The following PDE1A variants were observed in gnomAD, a reference collection of about 807,000 sequenced individuals.
PDE1A encodes the protein phosphodiesterase 1A, also known as dual specificity calcium/calmodulin-dependent 3',5'-cyclic nucleotide phosphodiesterase 1A.
PDE1A carries 35 observed loss-of-function variants against 61.7 expected under a neutral mutation model. That is an observed-to-expected ratio of 0.57 (90% CI 0.43 to 0.75). The LOEUF is 0.75. Among genes scored for constraint, PDE1A ranks in the 30% least tolerant of loss-of-function variants. The pLI, the probability that PDE1A is intolerant of heterozygous loss-of-function variation, is 0.00. For synonymous variants in PDE1A, 232 were observed against 213.2 expected, an observed-to-expected ratio of 1.09 and a Z score of -0.77; for missense variants, 597 against 630.6, an observed-to-expected ratio of 0.95 and a Z score of 0.57.
chr2:182,313,548 A>C (rs1696133516), intron 1 of PDE1A, among the ~76,000 whole-genome samples: 2 of 152,218 alleles, frequency 1.3e-5, no homozygotes, highest in Non-Finnish European at 2.9e-5. Flanking sequence ...TTTCCAGACC[A>C]CATTGAATAG....
Position 182,314,731 on chromosome 2 carries a change from T to C in PDE1A, c.54-50317A>G, listed in dbSNP as rs833121. ...ATTTTCAAGGAGCATATGGAAACTT[T>C]TTGGGGTAATGTCTATTTTTGTGAT... is the stretch of plus-strand genomic sequence containing the variant. On this transcript the variant is annotated intron_variant, in intron 1 of 13. Transcript: ENST00000351439. Among the ~76,000 whole-genome samples, 509 of 152,252 alleles carry C rather than the reference T, an allele frequency of 3.3e-3. 2 individuals are homozygous for C. The highest frequency in any genetic ancestry group is 0.012 in the African/African-American group (494 of 41,536).
the PDE1A span, among the ~76,000 whole-genome samples, chr2:182,696,474 T>C: frequency 1.1e-4 from 16 of 152,040 alleles, no homozygotes; most frequent in Non-Finnish European, 1.9e-4. Context: ...GAGAGATTAG[T>C]AGGGAGGAAT....
Position 182,513,320 on chromosome 2 carries a change from C to T in PDE1A, c.101+8956G>A, listed in dbSNP as rs536465996. On this transcript the variant is annotated intron_variant, in intron 2 of 14. Coordinates refer to the PDE1A transcript ENST00000410103. ...CAGCATCCTTACAGGAAAAACATTC[C>T]AACCAAGAATTTCATATCCAGCCAA... Among the ~76,000 whole-genome samples the T allele has an allele frequency of 6.6e-5, 10 of 152,244 alleles. No individual in the cohort carries two copies. The South Asian group carries it at 1.7e-3, about 25-fold the overall frequency.
At chr2:182,212,492 C>A (rs1297743909) in intron 7 of PDE1A, among the ~76,000 whole-genome samples, 1 of 152,172 alleles carries the variant, frequency 6.6e-6, no homozygotes, top group South Asian at 2.1e-4. Flanking sequence ...TTCTGCATTT[C>A]CATCTGAGGT....
At chr2:182,483,689 T>A (rs1016555847) in intron 2 of PDE1A, among the ~76,000 whole-genome samples, 8 of 151,602 alleles carry the variant, frequency 5.3e-5, no homozygotes, top group South Asian at 2.1e-4. Context: ...ACTAAAAAAA[T>A]TTTTCAAATA....
chr2:182,453,488 C>G (rs968947438), intron 2 of PDE1A, among the ~76,000 whole-genome samples: 1 of 151,974 alleles, frequency 6.6e-6, no homozygotes, highest in African/African-American at 2.4e-5. Flanking sequence ...TTTGCAATAT[C>G]CTTGATGAAC....
At chr2:182,665,839 G>A in the PDE1A span, among the ~76,000 whole-genome samples, 2 of 152,090 alleles carry the variant, frequency 1.3e-5, no homozygotes, top group Non-Finnish European at 2.9e-5. Context: ...ATGATAGACT[G>A]GATAAAGAAA....
intron 6 of PDE1A, among the ~76,000 whole-genome samples, chr2:182,224,869 CA>C (rs536085950): frequency 9.2e-5 from 14 of 151,890 alleles, no homozygotes; most frequent in Non-Finnish European, 1.5e-4. Flanking sequence ...ACATTTCCAT[CA>C]CCACAGCAAG....
At chr2:182,288,270 G>A (rs577946674) in intron 1 of PDE1A, among the ~76,000 whole-genome samples, 2 of 152,214 alleles carry the variant, frequency 1.3e-5, no homozygotes, top group Admixed American at 6.5e-5. Flanking sequence ...TTAGGCAAGT[G>A]AGGCCTAAAG....
intron 1 of PDE1A, among the ~76,000 whole-genome samples, chr2:182,394,201 G>A (rs1041430131): frequency 6.6e-5 from 10 of 152,158 alleles, no homozygotes; most frequent in African/African-American, 2.4e-4. Context: ...AGAAAAAGAG[G>A]TTTAATGGAC....
At chr2:182,260,400 A>G (rs1692140330) in intron 2 of PDE1A, among the ~76,000 whole-genome samples, 2 of 152,278 alleles carry the variant, frequency 1.3e-5, no homozygotes, top group African/African-American at 4.8e-5. Flanking sequence ...GTTTTAAGGG[A>G]AATGGTACTT....
At chr2:182,140,729 A>C (rs373546108) in exon 15 of PDE1A, 13 of 152,202 alleles carry the variant, frequency 8.5e-5, no homozygotes, top group African/African-American at 2.7e-4. Context: ...TGGCCTCAAC[A>C]GTAATGTTTG....
At chr2:182,549,711 A>AT in the PDE1A span, among the ~76,000 whole-genome samples, 1 of 152,044 alleles carries the variant, frequency 6.6e-6, no homozygotes, top group Non-Finnish European at 1.5e-5. Flanking sequence ...CTAAGTACAT[A>AT]TTTTTTTCAT....
chr2:182,352,369 C>CA (rs1698931886), intron 1 of PDE1A, among the ~76,000 whole-genome samples: 1 of 152,194 alleles, frequency 6.6e-6, no homozygotes, highest in Non-Finnish European at 1.5e-5. Flanking sequence ...GTGCTGTGCA[C>CA]AAGTAGAGTT....
intron 13 of PDE1A, among the ~76,000 whole-genome samples, chr2:182,171,491 G>A (rs1692207261): frequency 6.6e-6 from 1 of 151,860 alleles, no homozygotes; most frequent in South Asian, 2.1e-4. Flanking sequence ...AGCAGAATGA[G>A]AAGAGAGATA....
chr2:182,257,992 C>T lies in PDE1A; in HGVS notation c.167+6309G>A, dbSNP rs577670218. Among the ~76,000 whole-genome samples the T allele has an allele frequency of 3.2e-3, 485 of 152,050 alleles. 4 individuals are homozygous for T. Among genetic ancestry groups the T allele is most frequent in the African/African-American group, 0.011 (471 of 41,500 alleles). On this transcript the variant is annotated intron_variant, in intron 2 of 13. Coordinates refer to ENST00000351439, the Ensembl canonical transcript of PDE1A. Reference sequence around the variant, plus strand: ...ACCACCCTGGCTAACACGGTGAAACCCCATCTCTAGTAAAAAGACAAAAAA... The same window carrying T: ...ACCACCCTGGCTAACACGGTGAAACTCCATCTCTAGTAAAAAGACAAAAAA...
intron 13 of PDE1A, among the ~76,000 whole-genome samples, chr2:182,158,888 T>C (rs1423176544): frequency 3.9e-5 from 6 of 152,198 alleles, no homozygotes; most frequent in Non-Finnish European, 8.8e-5. Context: ...AAGAACAAAA[T>C]ACAGAAATTA....
downstream of PDE1A, among the ~76,000 whole-genome samples, chr2:182,144,408 A>G (rs1402653306): frequency 2.0e-5 from 3 of 152,258 alleles, no homozygotes; most frequent in African/African-American, 7.2e-5. Context: ...AGAAAAATGT[A>G]AGCAAAACAA....
At chr2:182,316,811 GA>G (rs1372858535) in intron 1 of PDE1A, among the ~76,000 whole-genome samples, 1 of 152,120 alleles carries the variant, frequency 6.6e-6, no homozygotes, top group African/African-American at 2.4e-5. Flanking sequence ...TTTGAAAATT[GA>G]AGGTAAAAAC....
Sources: allele counts gnomAD v4.1 joint callset (sites outside exome capture counted in the v4.1 genomes callset), GRCh38; gene constraint gnomAD v4.1.1; transcripts MANE v1.5; gene names NCBI Gene and HGNC (gene_info 2026-07-23, HGNC 2026-07-21).